NBEAL2: variants seen among roughly 807,000 people sequenced by gnomAD.
NBEAL2 encodes neurobeachin like 2.
NBEAL2 carries 160 observed loss-of-function variants against 299.8 expected under a neutral mutation model. The observed-to-expected ratio is 0.53, with a 90% CI of 0.47 to 0.61. The LOEUF (loss-of-function observed/expected upper bound fraction) is 0.61, where lower values mean the gene tolerates loss of function less well. Among genes scored for constraint, NBEAL2 ranks in the 20% least tolerant of loss-of-function variants. NBEAL2 has a pLI of 0.00. For synonymous variants in NBEAL2, 1,493 were observed against 1,542.3 expected, an observed-to-expected ratio of 0.97 and a Z score of 0.75; for missense variants, 3,112 against 3,649.0, an observed-to-expected ratio of 0.85 and a Z score of 3.79.
In NBEAL2 at chr3:47,004,277, C is replaced by T. The variant is rs2037255019; in HGVS notation, c.6082C>T (p.His2028Tyr). ...ACCCCAGCCTGGCCCCATCCCACCC[C>T]ATACCCAGGTACGGAACCAGGTGTA... ...PRPQPGPIPP[H>Y]TQVRNQVYSW... The change falls in exon 37 of 54, where the codon CAT (histidine) becomes TAT (tyrosine). Residue 2028 changes from histidine (H) to tyrosine (Y), a missense_variant. Transcript: ENST00000450053. This position sits in a 1 kb window ranked among gnomAD's most constrained non-coding sequence, Gnocchi z 5.0. 1 of 1,613,510 alleles carries T rather than the reference C, an allele frequency of 6.2e-7. No homozygotes were observed. Among genetic ancestry groups the T allele is most frequent in the African/African-American group, 1.3e-5 (1 of 74,912 alleles).
intron 1 of NBEAL2, among the ~76,000 whole-genome samples, chr3:46,984,231 G>A (rs1397626329): frequency 6.6e-6 from 1 of 152,136 alleles, no homozygotes; most frequent in Non-Finnish European, 1.5e-5. Flanking sequence ...GTGTGAACCT[G>A]GGAGGCGGAG....
intron 45 of NBEAL2, 131 bp from the exon 46 acceptor site, chr3:47,006,935 A>C: frequency 1.4e-6 from 1 of 702,964 alleles, no homozygotes; most frequent in Non-Finnish European, 2.3e-6. Flanking sequence ...CTTGGAGGGA[A>C]CCTCTGCATC....
chr3:46,995,986 G>A lies in NBEAL2; in HGVS notation c.2086G>A (p.Val696Ile), dbSNP rs1357932586. ...GCGCCGGCCCTTCAGCCAGAACCTG[G>A]TCCATGTCTACAAAGACGGCCATCT... is the stretch of plus-strand genomic sequence containing the variant. Reference protein sequence around the residue: ...PGRRPFSQNLVHVYKDGHLVK... With the variant: ...PGRRPFSQNLIHVYKDGHLVK... The change falls in exon 15 of 54, where the codon GTC (valine) becomes ATC (isoleucine). Residue 696 changes from valine (V) to isoleucine (I), a missense_variant. Coordinates refer to ENST00000450053, the MANE Select transcript of NBEAL2 (RefSeq NM_015175.3). The A allele has an allele frequency of 6.2e-7, 1 of 1,613,114 alleles. No homozygotes were observed. Among genetic ancestry groups the A allele is most frequent in the Admixed American group, 1.7e-5 (1 of 59,960 alleles).
chr3:46,979,833 G>T lies in NBEAL2; in HGVS notation c.-29G>T, dbSNP rs2035177715. On this transcript the variant is annotated 5_prime_UTR_variant, in exon 1 of 54. Transcript: ENST00000450053. ...CGCGGAGGAGGCGGCGACAGGTGGC[G>T]CGCAGCAGGGCCGGAGCCGGGCCGG... is the stretch of plus-strand genomic sequence containing the variant. The T allele has an allele frequency of 2.4e-6, 1 of 420,314 alleles. No homozygotes were observed. Among genetic ancestry groups the T allele is most frequent in the South Asian group, 6.3e-5 (1 of 15,938 alleles). 26.0% of individuals were successfully genotyped at this position (420,314 alleles called of 1,614,324 possible).
chr3:47,007,527 C>T lies in NBEAL2; in HGVS notation c.7337C>T (p.Thr2446Met), dbSNP rs775820031. ...TGCTATCCCCCTCACTGGGTCAGGACGCAGCGACTGCTGAGTGGCCCGTGG... is the reference window on the plus strand; with the variant it reads ...TGCTATCCCCCTCACTGGGTCAGGATGCAGCGACTGCTGAGTGGCCCGTGG... ...SKDPTMGSHKTQRLLSGPWVP... is the reference protein window; with the variant it reads ...SKDPTMGSHKMQRLLSGPWVP... Residue 2446 changes from threonine to methionine, a missense_variant and splice_region_variant, in exon 48 of 54, where the codon ACG (threonine) becomes ATG (methionine). Coordinates refer to ENST00000450053, the MANE Select transcript of NBEAL2 (RefSeq NM_015175.3). The T allele has an allele frequency of 4.4e-5, 71 of 1,610,778 alleles. No individual in the cohort carries two copies. The highest frequency in any genetic ancestry group is 1.6e-4 in the Middle Eastern group (1 of 6,078).
At chr3:46,981,045 T>A (rs918215730) in intron 1 of NBEAL2, among the ~76,000 whole-genome samples, 1 of 152,174 alleles carries the variant, frequency 6.6e-6, no homozygotes, top group Non-Finnish European at 1.5e-5. Context: ...GCTCAGGTTG[T>A]GAGAGGTCCA....
chr3:46,979,748 G>GCTCCGCCCCGGAGTGACGCC lies in NBEAL2; in HGVS notation c.-105_-86dup. 1 of 325,886 alleles carries GCTCCGCCCCGGAGTGACGCC rather than the reference G, an allele frequency of 3.1e-6. No homozygotes were observed. Among genetic ancestry groups the GCTCCGCCCCGGAGTGACGCC allele is most frequent in the Non-Finnish European group, 5.6e-6 (1 of 178,880 alleles). 20.2% of individuals were successfully genotyped at this position (325,886 alleles called of 1,614,324 possible). ...CAGACTTCCCCAGTAGTACCGCGCC[G>GCTCCGCCCCGGAGTGACGCC]CTCCGCCCCGGAGTGACGCCCTCCG... On this transcript the variant is annotated 5_prime_UTR_variant, in exon 1 of 54. Transcript: ENST00000450053.
Position 47,002,301 on chromosome 3 carries a change from TG to T in NBEAL2, c.5151+17del. The T allele has an allele frequency of 1.3e-6, 2 of 1,585,114 alleles. No homozygotes were observed. The highest frequency in any genetic ancestry group is 1.7e-6 in the Non-Finnish European group (2 of 1,161,970). Reference sequence around the variant, plus strand: ...CATCGACAAACAGGTGCCTGGAGGTTGGGGCCCAGGAAGAGGAGTGGGGGCT... The same window carrying T: ...CATCGACAAACAGGTGCCTGGAGGTTGGGCCCAGGAAGAGGAGTGGGGGCT... On this transcript the variant is annotated intron_variant, in intron 31 of 53. Coordinates refer to ENST00000450053, the MANE Select transcript of NBEAL2 (RefSeq NM_015175.3).
intron 10 of NBEAL2, among the ~76,000 whole-genome samples, chr3:46,992,841 G>A (rs1450180155): frequency 6.6e-6 from 1 of 152,214 alleles, no homozygotes; most frequent in Non-Finnish European, 1.5e-5. Flanking sequence ...TTTCTCAGAA[G>A]GGGAGACAGA....
intron 25 of NBEAL2, 44 bp downstream of exon 25, chr3:46,999,518 A>G: frequency 6.3e-7 from 1 of 1,583,610 alleles, no homozygotes; most frequent in Non-Finnish European, 8.6e-7. Context: ...ACATGTCAGA[A>G]AAACAGGGCA....
Position 47,009,423 on chromosome 3 carries a change from G to A in NBEAL2, c.*103G>A, listed in dbSNP as rs993808662. 1 of 1,048,902 alleles carries A rather than the reference G, an allele frequency of 9.5e-7. No homozygotes were observed. Among genetic ancestry groups the A allele is most frequent in the Non-Finnish European group, 1.4e-6 (1 of 716,064 alleles). The allele number at this position is 1,048,902 out of a possible 1,614,324, so 65.0% of individuals were successfully genotyped here. On this transcript the variant is annotated 3_prime_UTR_variant, in exon 54 of 54. Transcript: ENST00000450053. ...CACCCCGGGGTGGGCAGCCCAGGGG[G>A]GTGAGCGGGGCCCACCCTGCCCAGC...
chr3:47,007,278 G>A lies in NBEAL2; in HGVS notation c.7262G>A (p.Ser2421Asn). The change falls in exon 47 of 54, where the codon AGC becomes AAC. Residue 2421 changes from serine to asparagine, a missense_variant. Ser to Asn is a conservative substitution (Grantham distance 46). This residue lies in a region of NBEAL2 where 521 missense variants were observed against 729.6 expected (regional missense o/e 0.71). Transcript: ENST00000450053. ...GCCAGTGGGCTGCTGGGCACCCACA[G>A]CTGGTTGCCCTATGACCGCAACATA... The part of the protein sequence containing the change: ...VSASGLLGTH[S>N]WLPYDRNISN... The A allele has an allele frequency of 6.2e-7, 1 of 1,612,636 alleles. No homozygotes were observed. Among genetic ancestry groups the A allele is most frequent in the Non-Finnish European group, 8.5e-7 (1 of 1,179,378 alleles).
chr3:47,000,353 C>T lies in NBEAL2; in HGVS notation c.4254C>T (p.Leu1418=). ...SLSNVLEDGS[L]PEPTISGDDT... ...CCAATGTGCTGGAGGACGGCAGCCT[C>T]CCGGAGCCCACCATTAGCGGGGATG... Residue 1418 remains leucine, a synonymous_variant, in exon 27 of 54, where the codon CTC becomes CTT. Coordinates refer to ENST00000450053, the MANE Select transcript of NBEAL2 (RefSeq NM_015175.3). This position sits in a 1 kb window ranked among gnomAD's most constrained non-coding sequence, Gnocchi z 4.5. The T allele has an allele frequency of 6.3e-7, 1 of 1,599,618 alleles. No homozygotes were observed. Among genetic ancestry groups the T allele is most frequent in the Non-Finnish European group, 8.5e-7 (1 of 1,170,454 alleles).
intron 20 of NBEAL2, 115 bp downstream of exon 20, chr3:46,997,809 T>G (rs2036613387): frequency 5.1e-6 from 7 of 1,368,910 alleles, no homozygotes; most frequent in Non-Finnish European, 6.7e-6. Flanking sequence ...AGTTGCCACT[T>G]GAGTGGGGCC....
At chr3:46,998,441 C>T (rs770240367) in intron 21 of NBEAL2, 22 bp from the exon 22 acceptor site, 5 of 1,601,610 alleles carry the variant, frequency 3.1e-6, no homozygotes, top group Non-Finnish European at 2.6e-6. Flanking sequence ...GTGGCCTGAG[C>T]CCTCTGCTCA....
chr3:46,995,698 G>C lies in NBEAL2; in HGVS notation c.1899-16G>C. The C allele has an allele frequency of 1.2e-6, 2 of 1,612,700 alleles. No individual in the cohort carries two copies. Among genetic ancestry groups the C allele is most frequent in the Non-Finnish European group, 1.7e-6 (2 of 1,179,290 alleles). On this transcript the variant is annotated splice_polypyrimidine_tract_variant and intron_variant, in intron 13 of 53. Transcript: ENST00000450053. ...GAGCAGGAACAAGCAGACATAACTG[G>C]CTTGCCTGCCCCCAGCTTCTTTACC... is the stretch of plus-strand genomic sequence containing the variant.
chr3:46,984,687 G>T (rs1033212979), intron 1 of NBEAL2, among the ~76,000 whole-genome samples: 1 of 152,144 alleles, frequency 6.6e-6, no homozygotes, highest in African/African-American at 2.4e-5. Context: ...CCCTGAAGAT[G>T]GAGTGCTCAC....
chr3:46,997,972 C>T, intron 20 of NBEAL2, 95 bp from the exon 21 acceptor site: 3 of 1,408,792 alleles, frequency 2.1e-6, no homozygotes, highest in Admixed American at 2.5e-5. Flanking sequence ...ATGTTTGTGG[C>T]CGTCATGGCT....
Position 47,009,420 on chromosome 3 carries a change from G to C in NBEAL2, c.*100G>C, listed in dbSNP as rs897761152. On this transcript the variant is annotated 3_prime_UTR_variant, in exon 54 of 54. Coordinates refer to ENST00000450053, the MANE Select transcript of NBEAL2 (RefSeq NM_015175.3). The stretch of plus-strand genomic sequence containing the variant: ...GAACACCCCGGGGTGGGCAGCCCAG[G>C]GGGGTGAGCGGGGCCCACCCTGCCC... The C allele has an allele frequency of 3.2e-6, 3 of 928,232 alleles. No individual in the cohort carries two copies. Among genetic ancestry groups the C allele is most frequent in the Admixed American group, 6.4e-5 (2 of 31,014 alleles). 57.5% of individuals were successfully genotyped at this position (928,232 alleles called of 1,614,324 possible).
Sources: allele counts gnomAD v4.1 joint callset (sites outside exome capture counted in the v4.1 genomes callset), GRCh38; gene constraint gnomAD v4.1.1; regional missense constraint gnomAD v4.1.1; non-coding constraint Gnocchi (gnomAD v3.1); transcripts MANE v1.5; gene names NCBI Gene and HGNC (gene_info 2026-07-23, HGNC 2026-07-21).